MYRFL: variants seen among roughly 807,000 people sequenced by gnomAD.
The protein encoded by MYRFL is myelin regulatory factor like.
MYRFL carries 88 observed loss-of-function variants against 109.4 expected under a neutral mutation model. That is an observed-to-expected ratio of 0.80 (90% CI 0.68 to 0.96). The LOEUF is 0.96. MYRFL is among the 40% of genes least tolerant of loss of function. MYRFL has a pLI of 0.00. For missense variants in MYRFL, 957 were observed against 954.9 expected, an observed-to-expected ratio of 1.00 and a Z score of -0.03; for synonymous variants, 324 against 320.9, an observed-to-expected ratio of 1.01 and a Z score of -0.10.
chr12:69,905,923 T>C (rs1392263071), intron 11 of MYRFL, among the ~76,000 whole-genome samples: 2 of 152,220 alleles, frequency 1.3e-5, no homozygotes, highest in Admixed American at 1.3e-4. Context: ...GACTTAGTTT[T>C]TGCAACTTTT....
Position 69,953,604 on chromosome 12 carries a change from C to CCAAA in MYRFL, c.2375+735_2375+738dup, listed in dbSNP as rs111525528. Among the ~76,000 whole-genome samples, 346 of 151,998 alleles carry CCAAA rather than the reference C, an allele frequency of 2.3e-3. 3 individuals carry two copies. The highest frequency in any genetic ancestry group is 7.6e-3 in the African/African-American group (316 of 41,370). ...GGCAACATGATGAGATCCTGTCTCT[C>CCAAA]CAAACAAACAAACAAACAAAATATT... On this transcript the variant is annotated intron_variant, in intron 21 of 24. Coordinates refer to ENST00000552032, the MANE Select transcript of MYRFL (RefSeq NM_182530.3).
chr12:69,890,346 A>G (rs1886721845), intron 6 of MYRFL, among the ~76,000 whole-genome samples: 1 of 152,208 alleles, frequency 6.6e-6, no homozygotes, highest in African/African-American at 2.4e-5. Context: ...TCTAGCCTAC[A>G]TATTTCTATT....
At chr12:69,935,995 C>T (rs1955441853) in intron 16 of MYRFL, 118 bp from the exon 17 acceptor site, 1 of 1,235,816 alleles carries the variant, frequency 8.1e-7, no homozygotes, top group Non-Finnish European at 1.1e-6. Flanking sequence ...CTCCCCCCTG[C>T]TCCCATCTGT....
At chr12:69,834,994 G>A (rs1202110439) in intron 1 of MYRFL, among the ~76,000 whole-genome samples, 1 of 152,156 alleles carries the variant, frequency 6.6e-6, no homozygotes, top group Non-Finnish European at 1.5e-5. Context: ...TTATTGTCCT[G>A]TTCTTAGATC....
intron 9 of MYRFL, 37 bp from the exon 10 acceptor site, chr12:69,897,119 C>G: frequency 7.3e-7 from 1 of 1,365,338 alleles, no homozygotes; most frequent in East Asian, 2.5e-5. Context: ...GTCTCCATTC[C>G]TGATGCATTG....
chr12:69,903,615 A>C, intron 10 of MYRFL, 29 bp from the exon 11 acceptor site: 1 of 1,530,864 alleles, frequency 6.5e-7, no homozygotes, highest in Non-Finnish European at 8.8e-7. Context: ...CTGTTACTTT[A>C]ATTGTAATAT....
intron 2 of MYRFL, among the ~76,000 whole-genome samples, chr12:69,878,592 G>A (rs1885843271): frequency 6.6e-6 from 1 of 152,148 alleles, no homozygotes; most frequent in South Asian, 2.1e-4. Flanking sequence ...TGGGATATCT[G>A]TCACTTTAAA....
intron 4 of MYRFL, among the ~76,000 whole-genome samples, chr12:69,879,979 G>C (rs1885961074): frequency 6.6e-6 from 1 of 152,074 alleles, no homozygotes; most frequent in South Asian, 2.1e-4. Flanking sequence ...CTGTCTCAAT[G>C]AGTCCTCTGC....
intron 1 of MYRFL, among the ~76,000 whole-genome samples, chr12:69,829,631 C>G (rs1392335075): frequency 6.6e-6 from 1 of 152,104 alleles, no homozygotes. Flanking sequence ...GAATTCTAAC[C>G]AGGGCTGGGG....
intron 2 of MYRFL, among the ~76,000 whole-genome samples, chr12:69,858,980 T>C (rs919694700): frequency 2.0e-5 from 3 of 152,108 alleles, no homozygotes; most frequent in African/African-American, 7.2e-5. Context: ...CATTCAATGC[T>C]GTACATTTCC....
In MYRFL at chr12:69,957,960, C is replaced by T; in HGVS notation, c.2571+18C>T. On this transcript the variant is annotated intron_variant, in intron 23 of 24. Coordinates refer to ENST00000552032, the MANE Select transcript of MYRFL (RefSeq NM_182530.3). Reference sequence around the variant, plus strand: ...TGACACAGGTAATGTTTTCTGCCTCCTCTCTTCCCCGCTGAGAGAGGGATA... The same window carrying T: ...TGACACAGGTAATGTTTTCTGCCTCTTCTCTTCCCCGCTGAGAGAGGGATA... The T allele has an allele frequency of 1.3e-6, 2 of 1,525,242 alleles. No homozygotes were observed. Among genetic ancestry groups the T allele is most frequent in the Non-Finnish European group, 1.8e-6 (2 of 1,138,446 alleles). The allele number at this position is 1,525,242 out of a possible 1,614,324, so 94.5% of individuals were successfully genotyped here.
At chr12:69,893,342 G>T (rs1887029418) in intron 7 of MYRFL, among the ~76,000 whole-genome samples, 1 of 152,166 alleles carries the variant, frequency 6.6e-6, no homozygotes, top group Admixed American at 6.6e-5. Flanking sequence ...ATGAATGTAA[G>T]CTCCCCAAGG....
Position 69,952,896 on chromosome 12 carries a change from C to A in MYRFL, c.2375+10C>A. 6.6e-7 allele frequency: 1 copy of A among 1,523,324 alleles called. No homozygotes were observed. Among genetic ancestry groups the A allele is most frequent in the Non-Finnish European group, 8.8e-7 (1 of 1,137,632 alleles). The allele number at this position is 1,523,324 out of a possible 1,614,324, so 94.4% of individuals were successfully genotyped here. On this transcript the variant is annotated intron_variant, in intron 21 of 24. Transcript: ENST00000552032. ...AAAGCCTCCAGTGCGGGTAGGTAAG[C>A]CTCCCCAGCATGCCCTGGTTGTTTC...
chr12:69,827,188 T>G (rs904069566), intron 1 of MYRFL, among the ~76,000 whole-genome samples: 2 of 152,090 alleles, frequency 1.3e-5, no homozygotes, highest in African/African-American at 4.8e-5. Context: ...TTTGACAATT[T>G]GTTACCCACC....
chr12:69,953,153 T>C (rs1565653160), intron 21 of MYRFL, among the ~76,000 whole-genome samples: 1 of 152,214 alleles, frequency 6.6e-6, no homozygotes, highest in Non-Finnish European at 1.5e-5. Flanking sequence ...GGAGCAGCTC[T>C]GTTGCTGACT....
intron 13 of MYRFL, among the ~76,000 whole-genome samples, chr12:69,924,377 G>A (rs1475344189): frequency 6.6e-6 from 1 of 151,508 alleles, no homozygotes; most frequent in Non-Finnish European, 1.5e-5. Context: ...GTAAGAAAAT[G>A]TAGACATGTT....
chr12:69,855,266 A>ATTTGCC lies in MYRFL; in HGVS notation c.47-8_47-3dup. ...ATCTTCATGTTTCTCAAGATTTTCA[A>ATTTGCC]TTTGCCTTTGCAGCTCAGGGAGCCA... On this transcript the variant is annotated splice_polypyrimidine_tract_variant and intron_variant, in intron 1 of 24. Coordinates refer to ENST00000552032, the MANE Select transcript of MYRFL (RefSeq NM_182530.3). 1.4e-6 allele frequency: 1 copy of ATTTGCC among 698,316 alleles called. No homozygotes were observed. Among genetic ancestry groups the ATTTGCC allele is most frequent in the Middle Eastern group, 2.3e-4 (1 of 4,318 alleles). 43.3% of individuals were successfully genotyped at this position (698,316 alleles called of 1,614,324 possible).
At chr12:69,946,837 G>C (rs1261099201) in intron 19 of MYRFL, 1 of 152,276 alleles carries the variant, frequency 6.6e-6, no homozygotes, top group African/African-American at 2.4e-5. Flanking sequence ...CCACTTCCCT[G>C]TCCTGGATTC....
rs144051819 is a variant in MYRFL, at chr12:69,868,393, A to C, written c.138-10635A>C. ...CTCCCAAAGTGCTGGGATTACGGGCATGAGCCACCGCGCCAGACCAAACCT... is the reference window on the plus strand; with the variant it reads ...CTCCCAAAGTGCTGGGATTACGGGCCTGAGCCACCGCGCCAGACCAAACCT... On this transcript the variant is annotated intron_variant, in intron 2 of 24. Transcript: ENST00000552032. Among the ~76,000 whole-genome samples the C allele has an allele frequency of 9.7e-4, 147 of 152,166 alleles. 2 individuals are homozygous for C. In the East Asian group the frequency reaches 0.025, roughly 26 times the overall value.
Sources: allele counts gnomAD v4.1 joint callset (sites outside exome capture counted in the v4.1 genomes callset), GRCh38; gene constraint gnomAD v4.1.1; transcripts MANE v1.5; gene names NCBI Gene and HGNC (gene_info 2026-07-23, HGNC 2026-07-21).